ABTB3: variants seen among roughly 807,000 people sequenced by gnomAD.
The protein encoded by ABTB3 is ankyrin repeat and BTB domain containing 3, also known as ankyrin repeat- and BTB/POZ domain-containing protein 3.
At chr12:107,472,779 C>T in the ABTB3 span, among the ~76,000 whole-genome samples, 4 of 152,184 alleles carry the variant, frequency 2.6e-5, no homozygotes, top group African/African-American at 9.7e-5. Context: ...ACTGGAGGAG[C>T]TCACAGGCTA....
At chr12:107,648,848 G>A in the ABTB3 span, among the ~76,000 whole-genome samples, 647 of 152,102 alleles carry the variant, frequency 4.3e-3, 3 homozygotes, top group African/African-American at 0.015. Context: ...TGACTGGGGC[G>A]GGAGGTGGGA....
chr12:107,541,877 G>T, the ABTB3 span, among the ~76,000 whole-genome samples: 1 of 151,326 alleles, frequency 6.6e-6, no homozygotes, highest in Non-Finnish European at 1.5e-5. Context: ...ATTTACTCAT[G>T]TTACAAACCT....
At chr12:107,482,627 A>G in the ABTB3 span, among the ~76,000 whole-genome samples, 9 of 151,858 alleles carry the variant, frequency 5.9e-5, no homozygotes, top group Non-Finnish European at 1.0e-4. Flanking sequence ...TGCCCACTCT[A>G]GTCTGCCCAT....
the ABTB3 span, among the ~76,000 whole-genome samples, chr12:107,531,630 C>G: frequency 3.3e-5 from 5 of 152,094 alleles, no homozygotes; most frequent in Admixed American, 3.3e-4. Context: ...TACAGGAAAA[C>G]CCCTCAGCCC....
the ABTB3 span, among the ~76,000 whole-genome samples, chr12:107,610,583 T>C: frequency 1.3e-5 from 2 of 152,096 alleles, no homozygotes; most frequent in African/African-American, 2.4e-5. Context: ...GCAGCTGAAA[T>C]GGAAAAGAGA....
the ABTB3 span, among the ~76,000 whole-genome samples, chr12:107,575,259 C>T: frequency 6.6e-6 from 1 of 152,146 alleles, no homozygotes; most frequent in Non-Finnish European, 1.5e-5. Context: ...GCAGGAACAT[C>T]CCTCTATGTC....
At chr12:107,531,901 C>G in the ABTB3 span, among the ~76,000 whole-genome samples, 1 of 152,156 alleles carries the variant, frequency 6.6e-6, no homozygotes, top group Non-Finnish European at 1.5e-5. Flanking sequence ...ATTGCAACAT[C>G]AGCTGGACCC....
At chr12:107,392,133 A>G in the ABTB3 span, among the ~76,000 whole-genome samples, 1 of 152,184 alleles carries the variant, frequency 6.6e-6, no homozygotes. Flanking sequence ...GCACACAGTA[A>G]GTGCTTAACA....
the ABTB3 span, among the ~76,000 whole-genome samples, chr12:107,621,525 T>C: frequency 6.6e-6 from 1 of 152,262 alleles, no homozygotes; most frequent in East Asian, 1.9e-4. Context: ...CAGAATTTAT[T>C]GAGACATTCT....
At chr12:107,397,908 C>T in the ABTB3 span, among the ~76,000 whole-genome samples, 29 of 152,220 alleles carry the variant, frequency 1.9e-4, no homozygotes, top group African/African-American at 6.3e-4. Context: ...TTCTGTGCTG[C>T]GTTGACATAT....
chr12:107,502,707 C>T, the ABTB3 span, among the ~76,000 whole-genome samples: 33 of 152,130 alleles, frequency 2.2e-4, no homozygotes, highest in African/African-American at 3.1e-4. Flanking sequence ...GCCTCCTGTC[C>T]GATCAGTGGC....
the ABTB3 span, among the ~76,000 whole-genome samples, chr12:107,631,992 T>C: frequency 2.0e-5 from 3 of 152,196 alleles, no homozygotes; most frequent in Non-Finnish European, 2.9e-5. Context: ...CCCCTGACCA[T>C]TGTTACGTAT....
the ABTB3 span, among the ~76,000 whole-genome samples, chr12:107,634,488 T>G: frequency 4.6e-5 from 7 of 152,292 alleles, no homozygotes; most frequent in African/African-American, 7.2e-5. Context: ...CCTTAATCTA[T>G]TGTAAACATT....
the ABTB3 span, among the ~76,000 whole-genome samples, chr12:107,335,722 G>T: frequency 3.9e-5 from 6 of 152,134 alleles, no homozygotes; most frequent in East Asian, 1.2e-3. Context: ...TGACCAATGA[G>T]ACAAGCTTGG....
At chr12:107,451,365 A>G in the ABTB3 span, among the ~76,000 whole-genome samples, 2 of 152,194 alleles carry the variant, frequency 1.3e-5, no homozygotes, top group African/African-American at 4.8e-5. Flanking sequence ...GTGTTTTCTG[A>G]GACACCCTGC....
At chr12:107,375,500 CAGCAACAAAACCAA>C in the ABTB3 span, among the ~76,000 whole-genome samples, 1 of 152,018 alleles carries the variant, frequency 6.6e-6, no homozygotes, top group Non-Finnish European at 1.5e-5. Context: ...GCAGAAACAG[CAGCAACAAAACCAA>C]AGCCCTCTCC....
the ABTB3 span, among the ~76,000 whole-genome samples, chr12:107,592,041 G>A: frequency 6.6e-6 from 1 of 152,164 alleles, no homozygotes. Flanking sequence ...GGTTCATCTT[G>A]AAAGACTCAG....
chr12:107,593,992 T>C, the ABTB3 span, among the ~76,000 whole-genome samples: 2 of 152,218 alleles, frequency 1.3e-5, no homozygotes, highest in Admixed American at 6.5e-5. Context: ...TGAGCAGCCA[T>C]GTGTCCAGCT....
the ABTB3 span, among the ~76,000 whole-genome samples, chr12:107,501,124 G>A: frequency 6.6e-6 from 1 of 152,180 alleles, no homozygotes; most frequent in Non-Finnish European, 1.5e-5. Context: ...ACTGCAGAGG[G>A]ATGTTGTAAG....
Sources: gnomAD v4.1 joint callset for allele counts (sites outside exome capture counted in the v4.1 genomes callset) on GRCh38, gnomAD v4.1.1 for gene constraint, MANE v1.5 for transcripts, NCBI Gene and HGNC (gene_info 2026-07-23, HGNC 2026-07-21) for gene names.